LUC7L2: variants seen among roughly 807,000 people sequenced by gnomAD.
LUC7L2 encodes LUC7 like 2, pre-mRNA splicing factor.
A neutral mutation model predicts 52.8 loss-of-function variants in LUC7L2; 25 were observed. That is an observed-to-expected ratio of 0.47 (90% CI 0.34 to 0.66). The LOEUF (loss-of-function observed/expected upper bound fraction) is 0.66, where lower values mean the gene tolerates loss of function less well. LUC7L2 is among the 30% of genes least tolerant of loss of function. The pLI is 0.01. For synonymous variants in LUC7L2, 144 were observed against 160.9 expected (o/e 0.89, Z 0.80); for missense variants, 328 against 497.8 (o/e 0.66, Z 3.25).
intron 2 of LUC7L2, among the ~76,000 whole-genome samples, chr7:139,381,866 G>A (rs1410260232): frequency 1.4e-5 from 2 of 146,346 alleles, no homozygotes; most frequent in Admixed American, 1.4e-4. Context: ...ATGAGCCACT[G>A]CGCCTGGCCT....
chr7:139,359,548 T>G, upstream of LUC7L2: 3 of 302,644 alleles, frequency 9.9e-6, no homozygotes, highest in Non-Finnish European at 1.2e-5. Flanking sequence ...CGGTCGACGA[T>G]GGGCATGGTC....
rs56063410 is a variant in LUC7L2, at chr7:139,374,674, T to C, written c.62-1388T>C. 6.0e-3 allele frequency: 7,850 copies of C among 1,311,638 alleles called. 395 individuals carry two copies. In the African/African-American group the frequency reaches 0.1, roughly 17 times the overall value. The allele number at this position is 1,311,638 out of a possible 1,614,324, so 81.2% of individuals were successfully genotyped here. A position where few individuals can be genotyped will look rare whatever the true frequency, so the allele number is the denominator to read the frequency against. ...TTGTTGAACTGCTCTGAAGCTATCA[T>C]TTTAACTATAAATTACTGTTGTTAA... On this transcript the variant is annotated intron_variant, in intron 1 of 9. Coordinates refer to ENST00000354926, the MANE Select transcript of LUC7L2 (RefSeq NM_016019.5).
At chr7:139,396,966 C>A (rs1317482932) in intron 2 of LUC7L2, among the ~76,000 whole-genome samples, 1 of 152,098 alleles carries the variant, frequency 6.6e-6, no homozygotes, top group Admixed American at 6.5e-5. Flanking sequence ...GAATCTTGAT[C>A]TCGTGCATTA....
intron 2 of LUC7L2, among the ~76,000 whole-genome samples, chr7:139,387,729 G>T (rs1664581886): frequency 6.6e-6 from 1 of 152,158 alleles, no homozygotes; most frequent in Admixed American, 6.5e-5. Flanking sequence ...TCCCTTGAAT[G>T]AATAAATCGT....
chr7:139,419,509 T>TAA (rs1342125867), intron 9 of LUC7L2, among the ~76,000 whole-genome samples: 3 of 152,246 alleles, frequency 2.0e-5, no homozygotes, highest in Non-Finnish European at 4.4e-5. Context: ...TTTTAAAAGT[T>TAA]ACCTGTCTTA....
chr7:139,358,218 G>T (rs1228414904), upstream of LUC7L2, among the ~76,000 whole-genome samples: 8 of 151,446 alleles, frequency 5.3e-5, no homozygotes, highest in Admixed American at 4.6e-4. Context: ...TGTTGGTCAG[G>T]CTGGTCTCGA....
chr7:139,341,362 C>T, intron 1 of LUC7L2: 1 of 1,595,964 alleles, frequency 6.3e-7, no homozygotes, highest in East Asian at 2.3e-5. Flanking sequence ...CGTTGGGCAC[C>T]ACGCTCGGAG....
rs1799799809 is a variant in LUC7L2 at position 139,360,316 on chromosome 7, C to T, written c.55C>T (p.Arg19Trp). The T allele has an allele frequency of 1.3e-6, 2 of 1,568,472 alleles. No homozygotes were observed. Among genetic ancestry groups the T allele is most frequent in the African/African-American group, 1.4e-5 (1 of 73,662 alleles). The change falls in exon 1 of 10, where the codon CGG becomes TGG. Residue 19 changes from arginine to tryptophan, a missense_variant. By Grantham distance (101) the Arg-to-Trp change is moderately radical (BLOSUM62 -3). Coordinates refer to ENST00000354926, the MANE Select transcript of LUC7L2 (RefSeq NM_016019.5). The part of the protein sequence containing the change: ...AMLDQLMGTS[R>W]DGDTTRQRIK... ...GCTGGACCAGTTGATGGGCACCTCC[C>T]GGGACGGTAAGTCTCTGCCAGGGCC...
At position 139,423,384 on chromosome 7, in the gene LUC7L2, A is replaced by G. The variant is rs1795976618; in HGVS notation, c.*1044A>G. On this transcript the variant is annotated 3_prime_UTR_variant, in exon 10 of 10. Coordinates refer to ENST00000354926, the MANE Select transcript of LUC7L2 (RefSeq NM_016019.5). ...AATGACCGTTATAGAGAAGGGCTCG[A>G]CCTGCAGAAGAAACTGGGGTGTTTT... is the stretch of plus-strand genomic sequence containing the variant. The G allele has an allele frequency of 2.5e-6, 1 of 398,934 alleles. No individual in the cohort carries two copies. Among genetic ancestry groups the G allele is most frequent in the South Asian group, 1.3e-4 (1 of 7,858 alleles). 24.7% of individuals were successfully genotyped at this position (398,934 alleles called of 1,614,324 possible).
chr7:139,354,099 G>C (rs1215519063), intron 1 of LUC7L2, among the ~76,000 whole-genome samples: 1 of 146,348 alleles, frequency 6.8e-6, no homozygotes, highest in African/African-American at 2.7e-5. Flanking sequence ...CTGGGCAATA[G>C]AGACTCGGTC....
intron 9 of LUC7L2, among the ~76,000 whole-genome samples, chr7:139,418,549 A>C (rs1207894805): frequency 2.0e-5 from 3 of 152,140 alleles, no homozygotes; most frequent in Non-Finnish European, 4.4e-5. Flanking sequence ...TATTCTGTGG[A>C]TTACTCCACA....
At chr7:139,387,485 T>G (rs1794254328) in intron 2 of LUC7L2, among the ~76,000 whole-genome samples, 1 of 152,226 alleles carries the variant, frequency 6.6e-6, no homozygotes, top group African/African-American at 2.4e-5. Context: ...TGGCTGAAAA[T>G]TTTTATTTTA....
chr7:139,345,833 G>T (rs1045965987), intron 1 of LUC7L2: 2 of 965,244 alleles, frequency 2.1e-6, no homozygotes, highest in African/African-American at 1.7e-5. Flanking sequence ...GTTCTTAGGG[G>T]AATTAACTGG....
At chr7:139,351,547 A>G (rs1327621915) in intron 1 of LUC7L2, among the ~76,000 whole-genome samples, 1 of 152,096 alleles carries the variant, frequency 6.6e-6, no homozygotes, top group Non-Finnish European at 1.5e-5. Flanking sequence ...ATTTTCCCCT[A>G]TGCAACACAG....
intron 8 of LUC7L2, chr7:139,416,090 T>TATATATATATATATATATATA (rs1585136329): frequency 7.5e-6 from 1 of 133,330 alleles, no homozygotes; most frequent in Non-Finnish European, 1.7e-5. Context: ...TATATATATA[T>TATATATATATATATATATATA]GATTTACTCT....
intron 9 of LUC7L2, among the ~76,000 whole-genome samples, chr7:139,418,122 T>C (rs1390929923): frequency 1.3e-5 from 2 of 152,252 alleles, no homozygotes; most frequent in African/African-American, 2.4e-5. Context: ...TCTAAACTTA[T>C]TTGAGCTGGG....
At chr7:139,381,661 C>T (rs1801030083) in intron 2 of LUC7L2, among the ~76,000 whole-genome samples, 1 of 151,790 alleles carries the variant, frequency 6.6e-6, no homozygotes, top group Non-Finnish European at 1.5e-5. Flanking sequence ...ACTGCAACCT[C>T]CCACTCCCGG....
At chr7:139,415,695 A>T (rs77148032) in intron 8 of LUC7L2, among the ~76,000 whole-genome samples, 1 of 148,312 alleles carries the variant, frequency 6.7e-6, no homozygotes, top group Non-Finnish European at 1.5e-5. Context: ...GGGTCTCCCT[A>T]TGTTGCTCAG....
chr7:139,341,721 G>C lies in LUC7L2; in HGVS notation c.-26+1204G>C, dbSNP rs544723571. ...CTCGGGGACCAAAGGACCAGCGGGG[G>C]GGGGCGCAGAGTCGCTCTGGGGACG... On this transcript the variant is annotated intron_variant, in intron 1 of 10. Transcript: ENST00000541170. 1.1e-3 allele frequency among the ~76,000 whole-genome samples: 168 copies of C among 152,336 alleles called. 2 individuals are homozygous for C. The highest frequency in any genetic ancestry group is 4.1e-3 in the South Asian group (20 of 4,828).
Sources: gnomAD v4.1 joint callset for allele counts (sites outside exome capture counted in the v4.1 genomes callset) on GRCh38, gnomAD v4.1.1 for gene constraint, MANE v1.5 for transcripts, NCBI Gene and HGNC (gene_info 2026-07-23, HGNC 2026-07-21) for gene names.